The following GBE1 variants were observed in gnomAD, a reference collection of about 807,000 sequenced individuals.
GBE1 encodes the protein 1,4-alpha-glucan branching enzyme 1, also known as 1,4-alpha-glucan-branching enzyme.
In GBE1, 70 loss-of-function variants were observed where a neutral mutation model predicts 88.8. The ratio of observed to expected loss-of-function variants is 0.79; its 90% CI spans 0.65 to 0.96. GBE1 has a LOEUF of 0.96. Among genes scored for constraint, GBE1 ranks in the 40% least tolerant of loss-of-function variants. GBE1 has a pLI of 0.00. For synonymous variants in GBE1, 284 were observed against 300.1 expected (o/e 0.95, Z 0.56); for missense variants, 872 against 871.0 (o/e 1.00, Z -0.01).
chr3:81,703,909 G>T (rs1171434314), intron 2 of GBE1, among the ~76,000 whole-genome samples: 1 of 151,934 alleles, frequency 6.6e-6, no homozygotes, highest in South Asian at 2.1e-4. Context: ...ATGTGCCTAG[G>T]TTATATGCAA....
intron 12 of GBE1, among the ~76,000 whole-genome samples, chr3:81,540,071 A>C (rs975509006): frequency 2.0e-5 from 3 of 152,000 alleles, no homozygotes; most frequent in African/African-American, 7.2e-5. Flanking sequence ...TAAAGGGGAC[A>C]TTAGAAGAAA....
chr3:81,611,755 C>G (rs1319520588), intron 7 of GBE1, among the ~76,000 whole-genome samples: 1 of 152,064 alleles, frequency 6.6e-6, no homozygotes, highest in African/African-American at 2.4e-5. Context: ...GGACAGCTCT[C>G]AAGCTGATAA....
At chr3:81,714,396 T>C (rs1466673908) in intron 1 of GBE1, among the ~76,000 whole-genome samples, 5 of 152,190 alleles carry the variant, frequency 3.3e-5, no homozygotes, top group African/African-American at 1.2e-4. Context: ...AAGTCTGCTT[T>C]GAAAATCAAA....
chr3:81,718,168 TG>T (rs899454790), intron 1 of GBE1, among the ~76,000 whole-genome samples: 1 of 151,654 alleles, frequency 6.6e-6, no homozygotes, highest in African/African-American at 2.4e-5. Context: ...TTAGTATAGG[TG>T]GGGTTTGACC....
intron 14 of GBE1, among the ~76,000 whole-genome samples, chr3:81,507,868 T>C (rs1028327369): frequency 7.9e-5 from 12 of 152,148 alleles, no homozygotes; most frequent in African/African-American, 2.7e-4. Flanking sequence ...ATTTCTATTA[T>C]AGTCTAGGAT....
intron 2 of GBE1, among the ~76,000 whole-genome samples, chr3:81,688,775 T>A (rs1442473070): frequency 6.6e-6 from 1 of 151,682 alleles, no homozygotes; most frequent in African/African-American, 2.4e-5. Flanking sequence ...ATGAATGTAT[T>A]TACTTGTATT....
At chr3:81,602,165 T>C (rs991622231) in intron 7 of GBE1, among the ~76,000 whole-genome samples, 3 of 152,162 alleles carry the variant, frequency 2.0e-5, no homozygotes, top group Non-Finnish European at 2.9e-5. Context: ...TTGGACAATA[T>C]AACACTCATT....
At chr3:81,679,272 T>A (rs1029371456) in intron 2 of GBE1, among the ~76,000 whole-genome samples, 1 of 152,220 alleles carries the variant, frequency 6.6e-6, no homozygotes, top group African/African-American at 2.4e-5. Context: ...TAAGGTTTAA[T>A]ACACTTATGG....
At chr3:81,562,384 A>T (rs17019088) in intron 12 of GBE1, among the ~76,000 whole-genome samples, 34,004 of 151,988 alleles carry the variant, frequency 0.22, 4,047 homozygotes, top group East Asian at 0.41. Context: ...CACCACTACC[A>T]ACATTAGCAT....
chr3:81,528,597 T>C (rs1702976082), intron 14 of GBE1, among the ~76,000 whole-genome samples: 1 of 152,042 alleles, frequency 6.6e-6, no homozygotes, highest in Non-Finnish European at 1.5e-5. Context: ...CCAGCTGTTA[T>C]TGGATTGAGG....
At chr3:81,507,248 T>C (rs2009766) in intron 14 of GBE1, among the ~76,000 whole-genome samples, 9,233 of 152,058 alleles carry the variant, frequency 0.061, 471 homozygotes, top group African/African-American at 0.13. Context: ...AAATAAAATT[T>C]ATAAGAAAGT....
intron 7 of GBE1, among the ~76,000 whole-genome samples, chr3:81,631,631 C>T (rs1363243685): frequency 1.3e-5 from 2 of 150,554 alleles, no homozygotes; most frequent in African/African-American, 2.4e-5. Context: ...CCTGTAGTCC[C>T]AGGTACTCAG....
chr3:81,641,531 CA>C (rs1351960713), intron 7 of GBE1, among the ~76,000 whole-genome samples: 1 of 152,006 alleles, frequency 6.6e-6, no homozygotes, highest in African/African-American at 2.4e-5. Flanking sequence ...TATTAGTCCC[CA>C]AACTCTGCCT....
intron 12 of GBE1, among the ~76,000 whole-genome samples, chr3:81,543,129 CTTTAA>C (rs759626803): frequency 4.0e-5 from 6 of 151,878 alleles, no homozygotes; most frequent in East Asian, 3.9e-4. Flanking sequence ...GAAAATAGAA[CTTTAA>C]TTTAAAAAAT....
chr3:81,557,771 G>C (rs145510387), intron 12 of GBE1, among the ~76,000 whole-genome samples: 25 of 152,150 alleles, frequency 1.6e-4, no homozygotes, highest in Non-Finnish European at 7.4e-5. Flanking sequence ...AGCAATAAAA[G>C]AGAACCAGTA....
At chr3:81,747,297 TAGAA>T (rs1389958516) in intron 1 of GBE1, among the ~76,000 whole-genome samples, 1 of 152,140 alleles carries the variant, frequency 6.6e-6, no homozygotes, top group Non-Finnish European at 1.5e-5. Context: ...GTTTAGAAGA[TAGAA>T]AGACAAGCCA....
At chr3:81,664,903 C>G (rs755524849) in intron 3 of GBE1, among the ~76,000 whole-genome samples, 2 of 152,038 alleles carry the variant, frequency 1.3e-5, no homozygotes, top group Non-Finnish European at 2.9e-5. Flanking sequence ...TATAAGTATG[C>G]AAATGTCAAT....
intron 1 of GBE1, among the ~76,000 whole-genome samples, chr3:81,726,631 G>A (rs902285379): frequency 4.7e-5 from 7 of 148,836 alleles, no homozygotes; most frequent in African/African-American, 1.5e-4. Context: ...CTTCAGGCTA[G>A]AATGCAGTGG....
At chr3:81,704,559 C>T (rs371103750) in intron 2 of GBE1, among the ~76,000 whole-genome samples, 2 of 152,032 alleles carry the variant, frequency 1.3e-5, no homozygotes, top group East Asian at 1.9e-4. Flanking sequence ...GTTTCTAAAA[C>T]GTCATAAAAA....
Sources: gnomAD v4.1 joint callset for allele counts (sites outside exome capture counted in the v4.1 genomes callset) on GRCh38, gnomAD v4.1.1 for gene constraint, MANE v1.5 for transcripts, NCBI Gene and HGNC (gene_info 2026-07-23, HGNC 2026-07-21) for gene names.